The following DGKB variants were observed in gnomAD, a reference collection of about 807,000 sequenced individuals.
DGKB encodes the protein diacylglycerol kinase beta, also known as 90 kDa diacylglycerol kinase.
In DGKB, 67 loss-of-function variants were observed where a neutral mutation model predicts 114.3. The ratio of observed to expected loss-of-function variants is 0.59; its 90% CI spans 0.48 to 0.72. The LOEUF (loss-of-function observed/expected upper bound fraction) is 0.72. Among genes scored for constraint, DGKB ranks in the 30% least tolerant of loss-of-function variants. The pLI is 0.00. For missense variants in DGKB, 907 were observed against 975.2 expected, an observed-to-expected ratio of 0.93 and a Z score of 0.93; for synonymous variants, 398 against 323.1, an observed-to-expected ratio of 1.23 and a Z score of -2.49.
At chr7:14,804,666 A>G (rs1045693146) in intron 2 of DGKB, among the ~76,000 whole-genome samples, 6 of 151,978 alleles carry the variant, frequency 3.9e-5, no homozygotes, top group African/African-American at 7.2e-5. Context: ...CTATTTTCAA[A>G]CTATTGTTGG....
intron 23 of DGKB, among the ~76,000 whole-genome samples, chr7:14,320,485 G>A (rs1280934369): frequency 6.6e-6 from 1 of 151,964 alleles, no homozygotes; most frequent in Non-Finnish European, 1.5e-5. Context: ...ATTGAAGTGT[G>A]TCATCAACTC....
intron 23 of DGKB, among the ~76,000 whole-genome samples, chr7:14,242,770 A>G (rs111615829): frequency 9.8e-5 from 15 of 152,286 alleles, no homozygotes; most frequent in African/African-American, 3.6e-4. Flanking sequence ...CTCCAAGTCA[A>G]TAATAATAAC....
At chr7:14,954,179 T>C (rs1028458881) in intron 1 of DGKB, among the ~76,000 whole-genome samples, 1 of 152,090 alleles carries the variant, frequency 6.6e-6, no homozygotes, top group Non-Finnish European at 1.5e-5. Context: ...ACATCCTCTC[T>C]GTCTTCTCTA....
intron 17 of DGKB, among the ~76,000 whole-genome samples, chr7:14,594,765 A>G (rs1802272330): frequency 6.6e-6 from 1 of 152,110 alleles, no homozygotes; most frequent in South Asian, 2.1e-4. Flanking sequence ...AGTGTGAAGT[A>G]AGAATGTATT....
At chr7:14,345,414 A>G (rs750265578) in intron 21 of DGKB, 23 bp from the exon 22 acceptor site, 43 of 1,285,498 alleles carry the variant, frequency 3.3e-5, no homozygotes, top group Admixed American at 2.2e-4. Flanking sequence ...AGGAAGAAGC[A>G]CCTTAGGCAA....
chr7:14,325,518 G>A (rs1201085388), intron 23 of DGKB, among the ~76,000 whole-genome samples: 5 of 152,138 alleles, frequency 3.3e-5, no homozygotes, highest in African/African-American at 1.2e-4. Flanking sequence ...AGAGTGAACT[G>A]TACTCTAGTC....
intron 20 of DGKB, among the ~76,000 whole-genome samples, chr7:14,506,170 T>C (rs1787019779): frequency 6.6e-6 from 1 of 152,160 alleles, no homozygotes; most frequent in East Asian, 1.9e-4. Flanking sequence ...TAACTCAGAA[T>C]AAAGATTTTG....
At chr7:14,511,058 G>A (rs1280605662) in intron 20 of DGKB, among the ~76,000 whole-genome samples, 2 of 152,202 alleles carry the variant, frequency 1.3e-5, no homozygotes, top group South Asian at 2.1e-4. Context: ...ATTATTAAGG[G>A]TCCTAGGATC....
intron 1 of DGKB, among the ~76,000 whole-genome samples, chr7:14,917,156 G>A (rs1227526835): frequency 2.0e-5 from 3 of 151,940 alleles, no homozygotes; most frequent in Non-Finnish European, 2.9e-5. Flanking sequence ...GAAGTTTGTA[G>A]CACTGATTGA....
intron 17 of DGKB, among the ~76,000 whole-genome samples, chr7:14,591,216 G>C (rs1801649802): frequency 6.6e-6 from 1 of 152,116 alleles, no homozygotes; most frequent in African/African-American, 2.4e-5. Context: ...AATGGGGAGT[G>C]TCAGGAAGGA....
intron 20 of DGKB, among the ~76,000 whole-genome samples, chr7:14,496,018 T>G (rs1041442873): frequency 6.6e-6 from 1 of 151,838 alleles, no homozygotes; most frequent in Admixed American, 6.6e-5. Flanking sequence ...TTCTAATCAA[T>G]ATACTTTTTG....
At chr7:14,734,592 T>C (rs1831432028) in intron 5 of DGKB, among the ~76,000 whole-genome samples, 1 of 152,222 alleles carries the variant, frequency 6.6e-6, no homozygotes, top group South Asian at 2.1e-4. Flanking sequence ...CCCAGCTGTC[T>C]TCCATGAAGC....
rs1845625702 is a variant in DGKB at position 14,825,785 on chromosome 7, A to G, written c.70+15409T>C. Among the ~76,000 whole-genome samples, 2 of 152,148 alleles carry G rather than the reference A, an allele frequency of 1.3e-5. 1 individual carries two copies. Among genetic ancestry groups the G allele is most frequent in the South Asian group, 4.1e-4 (2 of 4,836 alleles). ...TAGAAAAAGTTCACAATTTAAGCAA[A>G]TGATCCAGGCAATTTTTCCCTTCCT... On this transcript the variant is annotated intron_variant, in intron 2 of 25. Coordinates refer to ENST00000402815, the MANE Select transcript of DGKB (RefSeq NM_001350709.2).
At chr7:14,852,486 T>TCAAAAAACAAAAAACAAAAA (rs1849493152) in intron 1 of DGKB, among the ~76,000 whole-genome samples, 1 of 7,784 alleles carries the variant, frequency 1.3e-4, no homozygotes, top group East Asian at 3.8e-3. Context: ...ATAGTGAAAG[T>TCAAAAAACAAAAAACAAAAA]CAAAAAAAAA....
At chr7:14,281,041 C>T (rs1799865958) in intron 23 of DGKB, among the ~76,000 whole-genome samples, 1 of 149,590 alleles carries the variant, frequency 6.7e-6, no homozygotes, top group Non-Finnish European at 1.5e-5. Context: ...GGACTAAATG[C>T]TCCAATTAAA....
At position 14,149,149 on chromosome 7, in the gene DGKB, T is replaced by C; in HGVS notation, c.2394A>G (p.Arg798=). Residue 798 remains arginine, a synonymous_variant, in exon 26 of 26, where the codon AGA becomes AGG. Coordinates refer to ENST00000402815, the MANE Select transcript of DGKB (RefSeq NM_001350709.2). ...GLFCSLVKRT[R]NRSKE is the part of the protein sequence containing the mutation. ...CACAGGATTATTCCTTGCTTCGGTT[T>C]CTTGTCCTTTTGACGAGGGAGCAGA... The C allele has an allele frequency of 6.2e-7, 1 of 1,613,558 alleles. No individual in the cohort carries two copies. Among genetic ancestry groups the C allele is most frequent in the Non-Finnish European group, 8.5e-7 (1 of 1,179,536 alleles).
In DGKB at chr7:14,149,248, AAG is replaced by A. The variant is rs145349934; in HGVS notation, c.2305-12_2305-11del. 0.013 allele frequency: 18,448 copies of A among 1,397,448 alleles called. No individual in the cohort carries two copies. Among genetic ancestry groups the A allele is most frequent in the South Asian group, 0.017 (1,258 of 73,544 alleles). 86.6% of individuals were successfully genotyped at this position (1,397,448 alleles called of 1,614,324 possible). A position where few individuals can be genotyped will look rare whatever the true frequency, so the allele number is the denominator to read the frequency against. On this transcript the variant is annotated splice_polypyrimidine_tract_variant and intron_variant, in intron 25 of 25. Coordinates refer to ENST00000402815, the MANE Select transcript of DGKB (RefSeq NM_001350709.2). ...TGTGTGTAATTTTTATCTAGAAAAA[AAG>A]AGAGAGAGAGAGAGAGAAAGAATAG...
At chr7:14,677,141 A>G (rs1001158340) in intron 12 of DGKB, among the ~76,000 whole-genome samples, 1 of 152,114 alleles carries the variant, frequency 6.6e-6, no homozygotes, top group African/African-American at 2.4e-5. Context: ...AGATAGAAAG[A>G]AAAAGAAAGT....
At chr7:14,284,301 C>G (rs924977477) in intron 23 of DGKB, among the ~76,000 whole-genome samples, 15 of 145,064 alleles carry the variant, frequency 1.0e-4, no homozygotes, top group Non-Finnish European at 2.2e-4. Flanking sequence ...CAAATCAAAA[C>G]CACAATGAGA....
Sources: allele counts gnomAD v4.1 joint callset (sites outside exome capture counted in the v4.1 genomes callset), GRCh38; gene constraint gnomAD v4.1.1; transcripts MANE v1.5; gene names NCBI Gene and HGNC (gene_info 2026-07-23, HGNC 2026-07-21).